Variants in EXOC6 observed in about 807,000 individuals in gnomAD.
EXOC6 encodes SEC15-like 1.
A neutral mutation model predicts 112.5 loss-of-function variants in EXOC6; 60 were observed. That is an observed-to-expected ratio of 0.53 (90% CI 0.43 to 0.66). The LOEUF (loss-of-function observed/expected upper bound fraction) is 0.66. EXOC6 is among the 30% of genes least tolerant of loss of function. The probability of loss-of-function intolerance (pLI) is 0.00; values close to 1 mark genes in which losing one functional copy is unlikely to be tolerated. For synonymous variants in EXOC6, 295 were observed against 308.0 expected, an observed-to-expected ratio of 0.96 and a Z score of 0.44; for missense variants, 855 against 957.1, an observed-to-expected ratio of 0.89 and a Z score of 1.41.
intron 1 of EXOC6, among the ~76,000 whole-genome samples, chr10:92,893,144 C>T (rs1849588816): frequency 1.3e-5 from 2 of 152,108 alleles, no homozygotes; most frequent in Non-Finnish European, 2.9e-5. Flanking sequence ...ATACCTCATG[C>T]TATATCTAGA....
rs1169004789 is a variant in EXOC6, at chr10:92,940,762, T to C, written c.1248T>C (p.Leu416=). Residue 416 remains leucine (L), a synonymous_variant, in exon 13 of 22, where the codon CTT becomes CTC. Coordinates refer to ENST00000260762, the MANE Select transcript of EXOC6 (RefSeq NM_019053.6). ...YGFPVNRLFD[L]LFEIRDQYNE... ...TTCCAGTGAACCGACTTTTTGACCT[T>C]TTATTTGAAATAAGAGACCAATACA... is the stretch of plus-strand genomic sequence containing the variant. The C allele has an allele frequency of 6.2e-7, 1 of 1,611,972 alleles. No individual in the cohort carries two copies. The highest frequency in any genetic ancestry group is 8.5e-7 in the Non-Finnish European group (1 of 1,179,390).
At chr10:92,890,521 C>T (rs1849445853) in intron 1 of EXOC6, among the ~76,000 whole-genome samples, 1 of 152,046 alleles carries the variant, frequency 6.6e-6, no homozygotes, top group African/African-American at 2.4e-5. Context: ...ACTTACATTC[C>T]AGTAGGGGAA....
At chr10:92,881,891 T>C (rs754997481) in intron 1 of EXOC6, among the ~76,000 whole-genome samples, 4 of 152,152 alleles carry the variant, frequency 2.6e-5, no homozygotes, top group Non-Finnish European at 4.4e-5. Flanking sequence ...CCTGCTGCCA[T>C]GTGAAGAAGA....
Position 92,894,970 on chromosome 10 carries a change from A to G in EXOC6, c.362A>G (p.Gln121Arg), listed in dbSNP as rs200055194. ...GAAGATATCATTCGATGTAGAATTCAGCAGAGAAATATTACAACTGTAGTA... is the reference window on the plus strand; with the variant it reads ...GAAGATATCATTCGATGTAGAATTCGGCAGAGAAATATTACAACTGTAGTA... ...HTEDIIRCRIQQRNITTVVEK... is the reference protein window; with the variant it reads ...HTEDIIRCRIRQRNITTVVEK... The change falls in exon 4 of 22, where the codon CAG (glutamine) becomes CGG (arginine). Residue 121 changes from glutamine (Q) to arginine (R), a missense_variant. Physicochemically the swap from Gln to Arg is conservative, Grantham distance 43. Transcript: ENST00000260762. 5.9e-5 allele frequency: 95 copies of G among 1,612,814 alleles called. No homozygotes were observed. The highest frequency in any genetic ancestry group is 7.4e-5 in the Non-Finnish European group (87 of 1,179,062).
At chr10:92,838,556 T>C (rs185816024) in intron 1 of EXOC6, among the ~76,000 whole-genome samples, 1 of 152,374 alleles carries the variant, frequency 6.6e-6, no homozygotes, top group East Asian at 1.9e-4. Context: ...TGAGACTCTA[T>C]ACTTTTCCCA....
Position 92,894,739 on chromosome 10 carries a change from C to T in EXOC6, c.274-55C>T, listed in dbSNP as rs12258050. On this transcript the variant is annotated intron_variant, in intron 2 of 21. Transcript: ENST00000260762. ...ATCTGATTACAAGGGTGAGCAGTTA[C>T]ATCAGGGCAGTTTTATGCATATTTG... 3,449 of 1,400,202 alleles carry T rather than the reference C, an allele frequency of 2.5e-3. 68 individuals carry two copies. The African/African-American group carries it at 0.044, about 18-fold the overall frequency. 86.7% of individuals were successfully genotyped at this position (1,400,202 alleles called of 1,614,324 possible).
intron 20 of EXOC6, among the ~76,000 whole-genome samples, chr10:93,023,513 C>T (rs1050645509): frequency 3.3e-5 from 5 of 152,160 alleles, no homozygotes; most frequent in African/African-American, 7.2e-5. Flanking sequence ...GGAGGATTAG[C>T]GGTACTGGTG....
At position 92,954,712 on chromosome 10, in the gene EXOC6, A is replaced by G; in HGVS notation, c.1609A>G (p.Ile537Val). ...RTLSSCLLNL[I>V]RKPHIGLTEL... Reference sequence around the variant, plus strand: ...TTTGAGTAGCTGTTTACTGAACCTTATTAGAAAACCTCATATAGGTTTGAC... The same window carrying G: ...TTTGAGTAGCTGTTTACTGAACCTTGTTAGAAAACCTCATATAGGTTTGAC... Residue 537 changes from isoleucine (I) to valine (V), a missense_variant, in exon 16 of 22, where the codon ATT (isoleucine) becomes GTT (valine). Ile to Val is a conservative substitution (Grantham distance 29, BLOSUM62 3). Around this residue, in one of 2 missense-constraint regions of EXOC6, gnomAD observed 450 missense variants for 563.5 expected, o/e 0.80. Transcript: ENST00000260762. 6.3e-7 allele frequency: 1 copy of G among 1,595,802 alleles called. No individual in the cohort carries two copies. Among genetic ancestry groups the G allele is most frequent in the African/African-American group, 1.3e-5 (1 of 74,666 alleles).
chr10:92,854,844 T>C (rs990871224), intron 1 of EXOC6, among the ~76,000 whole-genome samples: 1 of 152,214 alleles, frequency 6.6e-6, no homozygotes, highest in African/African-American at 2.4e-5. Flanking sequence ...GTCTTTGATA[T>C]GAGAATGATA....
intron 19 of EXOC6, among the ~76,000 whole-genome samples, chr10:93,000,734 T>C (rs1239924186): frequency 6.6e-6 from 1 of 152,146 alleles, no homozygotes; most frequent in Admixed American, 6.5e-5. Flanking sequence ...TTACTACTGA[T>C]GGGACAAAAA....
chr10:92,972,923 G>A (rs1219285309), intron 17 of EXOC6, among the ~76,000 whole-genome samples: 1 of 152,130 alleles, frequency 6.6e-6, no homozygotes, highest in Non-Finnish European at 1.5e-5. Context: ...TAGATGCCCA[G>A]GAATCTGTTA....
intron 17 of EXOC6, among the ~76,000 whole-genome samples, chr10:92,959,626 C>G (rs1473015396): frequency 6.6e-6 from 1 of 152,144 alleles, no homozygotes; most frequent in African/African-American, 2.4e-5. Context: ...ATAAAGGACT[C>G]TTGTCTGAAA....
At chr10:93,016,368 C>A (rs9419761) in intron 20 of EXOC6, among the ~76,000 whole-genome samples, 1 of 151,812 alleles carries the variant, frequency 6.6e-6, no homozygotes, top group Non-Finnish European at 1.5e-5. Context: ...CTCGAACTCC[C>A]GGCATCAAGT....
intron 13 of EXOC6, among the ~76,000 whole-genome samples, chr10:92,946,002 C>T (rs755481865): frequency 6.6e-6 from 1 of 151,798 alleles, no homozygotes; most frequent in Non-Finnish European, 1.5e-5. Flanking sequence ...GTGTAAGAAT[C>T]GCTTGAGGCC....
At chr10:93,027,782 C>T (rs751197976) in intron 20 of EXOC6, among the ~76,000 whole-genome samples, 12 of 152,228 alleles carry the variant, frequency 7.9e-5, no homozygotes, top group African/African-American at 2.2e-4. Context: ...CTTCATCACT[C>T]AAGAACTCTG....
At chr10:92,937,958 T>C (rs1838408932) in intron 12 of EXOC6, among the ~76,000 whole-genome samples, 1 of 152,296 alleles carries the variant, frequency 6.6e-6, no homozygotes, top group Middle Eastern at 3.4e-3. Flanking sequence ...GAATGTAAAT[T>C]AACTATATCC....
At chr10:92,897,942 C>T (rs1849920288) in intron 4 of EXOC6, among the ~76,000 whole-genome samples, 1 of 152,136 alleles carries the variant, frequency 6.6e-6, no homozygotes, top group Non-Finnish European at 1.5e-5. Flanking sequence ...CACATGTTTT[C>T]AGGACTTCTG....
intron 18 of EXOC6, among the ~76,000 whole-genome samples, chr10:92,978,108 C>G (rs61862339): frequency 0.011 from 1,719 of 152,076 alleles, 19 homozygotes; most frequent in Non-Finnish European, 0.017. Context: ...ATAGTTTACA[C>G]CTAAGAAAAA....
At chr10:93,027,096 A>G (rs530921679) in intron 20 of EXOC6, among the ~76,000 whole-genome samples, 1 of 152,364 alleles carries the variant, frequency 6.6e-6, no homozygotes, top group South Asian at 2.1e-4. Flanking sequence ...AAATAGCCTC[A>G]TTGCTGATAT....
Sources: allele counts gnomAD v4.1 joint callset (sites outside exome capture counted in the v4.1 genomes callset), GRCh38; gene constraint gnomAD v4.1.1; regional missense constraint gnomAD v4.1.1; transcripts MANE v1.5; gene names NCBI Gene and HGNC (gene_info 2026-07-23, HGNC 2026-07-21).